The following SYS1 variants were observed in gnomAD, a reference collection of about 807,000 sequenced individuals.
SYS1 encodes protein SYS1 homolog.
A neutral mutation model predicts 17.8 loss-of-function variants in SYS1; 8 were observed. That is an observed-to-expected ratio of 0.45 (90% CI 0.26 to 0.81). The LOEUF (loss-of-function observed/expected upper bound fraction) is 0.81, where lower values mean the gene tolerates loss of function less well. Among genes scored for constraint, SYS1 ranks in the 40% least tolerant of loss-of-function variants. The pLI is 0.16. For synonymous variants in SYS1, 95 were observed against 90.9 expected (o/e 1.05, Z -0.26); for missense variants, 161 against 203.9 (o/e 0.79, Z 1.28).
In SYS1 at chr20:45,363,179, C is replaced by T. The variant is rs902429532; in HGVS notation, c.-140C>T. 5 of 1,048,414 alleles carry T rather than the reference C, an allele frequency of 4.8e-6. No individual in the cohort carries two copies. Among genetic ancestry groups the T allele is most frequent in the Non-Finnish European group, 5.8e-6 (5 of 868,430 alleles). 64.9% of individuals were successfully genotyped at this position (1,048,414 alleles called of 1,614,324 possible). A position where few individuals can be genotyped will look rare whatever the true frequency, so the allele number is the denominator to read the frequency against. ...TTCTTTCCTACGCAGCCGCTCCTGC[C>T]GCCGTGGTCGCTGGAGCTTTGCCTC... is the stretch of plus-strand genomic sequence containing the variant. On this transcript the variant is annotated 5_prime_UTR_variant, in exon 1 of 4. Coordinates refer to ENST00000243918, the MANE Select transcript of SYS1 (RefSeq NM_033542.4).
At chr20:45,371,872 G>T (rs1472023084), downstream of SYS1, among the ~76,000 whole-genome samples, 1 of 152,180 alleles carries the variant, frequency 6.6e-6, no homozygotes, top group East Asian at 1.9e-4. Context: ...TTTGTTCAAT[G>T]CCCCACAAAC....
At position 45,368,969 on chromosome 20, in the gene SYS1, C is replaced by T; in HGVS notation, c.*1854C>T. The T allele has an allele frequency of 1.2e-6, 1 of 824,966 alleles. No homozygotes were observed. The highest frequency in any genetic ancestry group is 1.5e-6 in the Non-Finnish European group (1 of 683,030). The allele number at this position is 824,966 out of a possible 1,614,324, so 51.1% of individuals were successfully genotyped here. On this transcript the variant is annotated 3_prime_UTR_variant, in exon 4 of 4. Coordinates refer to ENST00000243918, the MANE Select transcript of SYS1 (RefSeq NM_033542.4). The stretch of plus-strand genomic sequence containing the variant: ...TTCTGTGATGACAAATCTCTGTCCC[C>T]TGAGTGTTAATTTGATTTTTAGAAA...
downstream of SYS1, among the ~76,000 whole-genome samples, chr20:45,369,825 C>T (rs1988522508): frequency 6.6e-6 from 1 of 151,778 alleles, no homozygotes; most frequent in Non-Finnish European, 1.5e-5. Flanking sequence ...TGCCACTTTG[C>T]CCAGGCTGGT....
chr20:45,362,719 T>A (rs181666633), upstream of SYS1, among the ~76,000 whole-genome samples: 699 of 152,336 alleles, frequency 4.6e-3, 4 homozygotes, highest in African/African-American at 0.016. Flanking sequence ...TGAAACAGTA[T>A]GTTGCTTTCC....
chr20:45,370,778 G>A (rs138209729), downstream of SYS1, among the ~76,000 whole-genome samples: 4 of 152,272 alleles, frequency 2.6e-5, no homozygotes, highest in African/African-American at 4.8e-5. Flanking sequence ...CAGGGACCAC[G>A]GAGTCTCAGA....
At chr20:45,366,806 C>G in intron 3 of SYS1, 69 bp from the exon 4 acceptor site, 1 of 1,329,560 alleles carries the variant, frequency 7.5e-7, no homozygotes, top group Non-Finnish European at 1.1e-6. Context: ...TCCTAATTGT[C>G]CCTACCCTCC....
exon 4 of SYS1, chr20:45,375,452 C>A (rs774818638): frequency 2.5e-6 from 4 of 1,614,138 alleles, no homozygotes; most frequent in Non-Finnish European, 3.4e-6. Flanking sequence ...TTAGGGTCCC[C>A]TGTGGACTCT....
intron 2 of SYS1, among the ~76,000 whole-genome samples, chr20:45,364,823 C>G (rs1476819482): frequency 6.6e-6 from 1 of 151,932 alleles, no homozygotes; most frequent in East Asian, 1.9e-4. Context: ...GCTCCTGCTG[C>G]TTGTTCTCTG....
At chr20:45,373,718 G>C (rs1394289479), downstream of SYS1, 7 of 605,260 alleles carry the variant, frequency 1.2e-5, no homozygotes, top group East Asian at 2.8e-5. Context: ...TCGCGGAGGT[G>C]GGGGAGGGGT....
downstream of SYS1, chr20:45,372,641 T>G (rs1988589384): frequency 6.6e-6 from 1 of 152,168 alleles, no homozygotes; most frequent in African/African-American, 2.4e-5. Flanking sequence ...CAAGGGAGAC[T>G]GTTCAGGAAA....
At chr20:45,370,106 A>T (rs553152051), downstream of SYS1, among the ~76,000 whole-genome samples, 1 of 145,332 alleles carries the variant, frequency 6.9e-6, no homozygotes, top group Non-Finnish European at 1.5e-5. Flanking sequence ...TGTATTTTTC[A>T]TAGAGACGGG....
At chr20:45,375,870 T>C in exon 4 of SYS1, 1 of 287,982 alleles carries the variant, frequency 3.5e-6, no homozygotes, top group Non-Finnish European at 6.5e-6. Context: ...AGTCCAGTAG[T>C]TTTTCTAAAT....
At chr20:45,374,970 G>C in exon 4 of SYS1, 2 of 1,546,824 alleles carry the variant, frequency 1.3e-6, no homozygotes, top group Non-Finnish European at 1.7e-6. Flanking sequence ...CCTGACTCTG[G>C]GGCCCAGCTC....
At chr20:45,375,027 T>G in exon 4 of SYS1, 1 of 1,607,232 alleles carries the variant, frequency 6.2e-7, no homozygotes, top group South Asian at 1.1e-5. Flanking sequence ...GCAGTGTTGT[T>G]GTCACACCCA....
downstream of SYS1, chr20:45,369,286 TA>T (rs946518597): frequency 6.6e-6 from 1 of 152,160 alleles, no homozygotes; most frequent in African/African-American, 2.4e-5. Context: ...AAGTAAGAAG[TA>T]ACGTCATCTG....
downstream of SYS1, among the ~76,000 whole-genome samples, chr20:45,370,107 T>C (rs1489243227): frequency 2.0e-5 from 3 of 151,926 alleles, no homozygotes; most frequent in Non-Finnish European, 4.4e-5. Flanking sequence ...GTATTTTTCA[T>C]AGAGACGGGG....
upstream of SYS1, chr20:45,362,001 T>C (rs1230179619): frequency 2.0e-6 from 2 of 985,282 alleles, no homozygotes; most frequent in African/African-American, 1.7e-5. Context: ...ATGAAGTTGA[T>C]GGGTTTTCGT....
At chr20:45,364,896 T>C (rs888219829) in intron 2 of SYS1, among the ~76,000 whole-genome samples, 2 of 152,202 alleles carry the variant, frequency 1.3e-5, no homozygotes, top group Non-Finnish European at 2.9e-5. Context: ...AAGAATGGCT[T>C]TGTGAGGTTT....
At chr20:45,363,811 AG>A (rs1988310391) in intron 2 of SYS1, 118 bp downstream of exon 2, 4 of 1,155,220 alleles carry the variant, frequency 3.5e-6, no homozygotes, top group Non-Finnish European at 4.8e-6. Context: ...GCCCTGGGAA[AG>A]GGATTTCACC....
Sources: gnomAD v4.1 joint callset for allele counts (sites outside exome capture counted in the v4.1 genomes callset) on GRCh38, gnomAD v4.1.1 for gene constraint, MANE v1.5 for transcripts, NCBI Gene and HGNC (gene_info 2026-07-23, HGNC 2026-07-21) for gene names.